Variants in CMIP observed in about 807,000 individuals in gnomAD.
The protein encoded by CMIP is c-Maf inducing protein.
In CMIP, 13 loss-of-function variants were observed where a neutral mutation model predicts 97.3. That is an observed-to-expected ratio of 0.13 (90% CI 0.09 to 0.21). The LOEUF (loss-of-function observed/expected upper bound fraction) is 0.21. Among genes scored for constraint, CMIP ranks in the 10% least tolerant of loss-of-function variants. The pLI is 1.00. For synonymous variants in CMIP, 538 were observed against 436.3 expected, an observed-to-expected ratio of 1.23 and a Z score of -2.91; for missense variants, 847 against 1,024.9, an observed-to-expected ratio of 0.83 and a Z score of 2.37.
rs115308823 is a variant in CMIP, at chr16:81,488,327, C to T, written c.300+42786C>T. On this transcript the variant is annotated intron_variant, in intron 1 of 20. Transcript: ENST00000537098. ...TCCTAGTGGGTGACCTTGGGTCACC[C>T]GCTGAGAGTCCCTGTGCCTCAGTTT... Among the ~76,000 whole-genome samples the T allele has an allele frequency of 3.2e-3, 481 of 152,242 alleles. 1 individual carries two copies. The highest frequency in any genetic ancestry group is 0.01 in the African/African-American group (419 of 41,522).
intron 20 of CMIP, among the ~76,000 whole-genome samples, chr16:81,707,558 T>G (rs1482708385): frequency 6.6e-6 from 1 of 152,002 alleles, no homozygotes; most frequent in Non-Finnish European, 1.5e-5. Flanking sequence ...AATAAATATT[T>G]TGAGAGGGAG....
At chr16:81,623,512 GAC>G (rs2092019925) in intron 3 of CMIP, among the ~76,000 whole-genome samples, 1 of 152,288 alleles carries the variant, frequency 6.6e-6, no homozygotes, top group South Asian at 2.1e-4. Context: ...GCATGCTTCA[GAC>G]ACAGTGTTTC....
intron 1 of CMIP, among the ~76,000 whole-genome samples, chr16:81,493,814 A>C (rs1219181557): frequency 1.3e-5 from 2 of 152,198 alleles, no homozygotes; most frequent in African/African-American, 4.8e-5. Context: ...GCTGGCTCAC[A>C]CAGCAGCCGG....
intron 13 of CMIP, among the ~76,000 whole-genome samples, chr16:81,694,330 C>G (rs1419890157): frequency 6.6e-6 from 1 of 152,118 alleles, no homozygotes; most frequent in African/African-American, 2.4e-5. Flanking sequence ...CTCGTGCTCC[C>G]GGCAGAACAG....
At chr16:81,580,547 C>T (rs1321143987) in intron 1 of CMIP, among the ~76,000 whole-genome samples, 1 of 150,162 alleles carries the variant, frequency 6.7e-6, no homozygotes, top group African/African-American at 2.4e-5. Flanking sequence ...AATTCTTGTG[C>T]CTCAGCCTCC....
At chr16:81,633,949 A>G (rs990121054) in intron 3 of CMIP, among the ~76,000 whole-genome samples, 1 of 152,192 alleles carries the variant, frequency 6.6e-6, no homozygotes, top group Admixed American at 6.5e-5. Context: ...TCTGCAACCA[A>G]TCTTCCATCC....
At chr16:81,664,840 C>A in intron 7 of CMIP, 4 of 214,934 alleles carry the variant, frequency 1.9e-5, no homozygotes, top group East Asian at 9.5e-5. Context: ...ATATTCCCTT[C>A]ATAGGACGTA....
intron 1 of CMIP, among the ~76,000 whole-genome samples, chr16:81,503,206 A>G (rs753371284): frequency 1.3e-5 from 2 of 152,168 alleles, no homozygotes; most frequent in Non-Finnish European, 2.9e-5. Flanking sequence ...CCTCAGTCCC[A>G]GGGAAACCGG....
In CMIP at chr16:81,467,122, G is replaced by A. The variant is rs145321722; in HGVS notation, c.300+21581G>A. Among the ~76,000 whole-genome samples the A allele has an allele frequency of 7.1e-3, 1,083 of 152,258 alleles. 13 individuals are homozygous for A. The highest frequency in any genetic ancestry group is 0.025 in the African/African-American group (1,032 of 41,538). ...GTTGAGCGAGTTTCCATCCCACCAG[G>A]CAAGGGGCTTAGGCGAGGTTGTGTG... On this transcript the variant is annotated intron_variant, in intron 1 of 20. Coordinates refer to ENST00000537098, the MANE Select transcript of CMIP (RefSeq NM_198390.3).
At chr16:81,504,729 T>C (rs1368858140) in intron 1 of CMIP, among the ~76,000 whole-genome samples, 1 of 150,498 alleles carries the variant, frequency 6.6e-6, no homozygotes, top group Non-Finnish European at 1.5e-5. Flanking sequence ...TGCTCCACGG[T>C]CTGTGCCATT....
chr16:81,600,659 A>T (rs1281477848), intron 1 of CMIP, among the ~76,000 whole-genome samples: 1 of 152,202 alleles, frequency 6.6e-6, no homozygotes, highest in Non-Finnish European at 1.5e-5. Flanking sequence ...AACTCGATAG[A>T]GATGATGGTG....
At chr16:81,586,177 C>A (rs2150911743) in intron 1 of CMIP, among the ~76,000 whole-genome samples, 1 of 152,204 alleles carries the variant, frequency 6.6e-6, no homozygotes, top group Non-Finnish European at 1.5e-5. Flanking sequence ...CCCACACCTA[C>A]CTTCTGTCAT....
At chr16:81,468,073 T>G (rs1597454302) in intron 1 of CMIP, among the ~76,000 whole-genome samples, 1 of 152,072 alleles carries the variant, frequency 6.6e-6, no homozygotes, top group Non-Finnish European at 1.5e-5. Flanking sequence ...GTTTCTAATG[T>G]GGGGCTCCTG....
intron 3 of CMIP, among the ~76,000 whole-genome samples, chr16:81,647,716 G>A (rs1182329319): frequency 6.6e-6 from 1 of 152,208 alleles, no homozygotes; most frequent in East Asian, 1.9e-4. Flanking sequence ...GCTCCACCAT[G>A]ATTCATCACC....
chr16:81,700,470 C>G (rs1456600317), intron 15 of CMIP: 1 of 152,710 alleles, frequency 6.5e-6, no homozygotes, highest in South Asian at 2.0e-4. Context: ...GGAACCAAGG[C>G]AGAAGCCATG....
At chr16:81,541,239 C>T (rs1347715160) in intron 1 of CMIP, among the ~76,000 whole-genome samples, 2 of 152,072 alleles carry the variant, frequency 1.3e-5, no homozygotes, top group African/African-American at 2.4e-5. Flanking sequence ...ACAGATGGTT[C>T]TATAGAAAGT....
intron 4 of CMIP, among the ~76,000 whole-genome samples, chr16:81,656,061 A>G (rs1170348904): frequency 6.6e-6 from 1 of 152,206 alleles, no homozygotes; most frequent in East Asian, 1.9e-4. Flanking sequence ...CACTAAAGAA[A>G]AAAAGCGTGT....
chr16:81,538,066 C>G (rs2090379850), intron 1 of CMIP, among the ~76,000 whole-genome samples: 1 of 152,246 alleles, frequency 6.6e-6, no homozygotes, highest in Non-Finnish European at 1.5e-5. Context: ...ACACACACAC[C>G]ACAGTCTCGT....
At chr16:81,579,377 C>T (rs2091257356) in intron 1 of CMIP, among the ~76,000 whole-genome samples, 1 of 152,196 alleles carries the variant, frequency 6.6e-6, no homozygotes, top group Admixed American at 6.5e-5. Context: ...CACCACAAAT[C>T]CAGCCCCTTC....
Sources: allele counts gnomAD v4.1 joint callset (sites outside exome capture counted in the v4.1 genomes callset), GRCh38; gene constraint gnomAD v4.1.1; transcripts MANE v1.5; gene names NCBI Gene and HGNC (gene_info 2026-07-23, HGNC 2026-07-21).